Variants in TNNI3 observed in about 807,000 individuals in gnomAD.
TNNI3 encodes the protein troponin I, cardiac muscle.
A neutral mutation model predicts 31.5 loss-of-function variants in TNNI3; 23 were observed. That is an observed-to-expected ratio of 0.73 (90% CI 0.52 to 1.03). TNNI3 has a LOEUF of 1.03. Ranked by LOEUF, TNNI3 falls within the 50% of genes least tolerant of loss-of-function variation. The probability of loss-of-function intolerance (pLI) is 0.00; values close to 1 mark genes in which losing one functional copy is unlikely to be tolerated. For missense variants in TNNI3, 236 were observed against 282.9 expected (o/e 0.83, Z 1.19); for synonymous variants, 120 against 111.7 (o/e 1.07, Z -0.47).
chr19:55,157,233 C>A lies in TNNI3; in HGVS notation c.24+63G>T, dbSNP rs1462346563. ...GGGCTGCAGCCTCCCGCCCCAGACC[C>A]CTCACTGCAGCGCCCACCCTGGCCC... On this transcript the variant is annotated intron_variant, in intron 2 of 7. Coordinates refer to ENST00000344887, the MANE Select transcript of TNNI3 (RefSeq NM_000363.5). This position sits in a 1 kb window ranked among gnomAD's most constrained non-coding sequence, Gnocchi z 6.3. 2 of 1,606,074 alleles carry A rather than the reference C, an allele frequency of 1.2e-6. No homozygotes were observed. The highest frequency in any genetic ancestry group is 8.5e-7 in the Non-Finnish European group (1 of 1,177,040).
In TNNI3 at chr19:55,154,183, G is replaced by T; in HGVS notation, c.396C>A (p.Ile132=). The change falls in exon 7 of 8, where the codon ATC becomes ATA. Residue 132 remains isoleucine (I), a synonymous_variant. Transcript: ENST00000344887. ...GCTTAAACTTGCCTCGAAGGTCAAAGATCTTCTGAGTCAGATCTGCAATCT... is the reference window on the plus strand; with the variant it reads ...GCTTAAACTTGCCTCGAAGGTCAAATATCTTCTGAGTCAGATCTGCAATCT... ...ITEIADLTQK[I]FDLRGKFKRP... 6.2e-7 allele frequency: 1 copy of T among 1,612,660 alleles called. No homozygotes were observed. Among genetic ancestry groups the T allele is most frequent in the South Asian group, 1.1e-5 (1 of 91,070 alleles).
rs1568858631 is a variant in TNNI3 at position 55,154,952 on chromosome 19, TGGGGGCCTGGACTCCTGGGTCTGAGGGAG to T, written c.283-151_283-123del. On this transcript the variant is annotated intron_variant, in intron 5 of 7. Transcript: ENST00000344887. Reference sequence around the variant, plus strand: ...CTGGGTCTGAGGGAGGAGAAGGGGCTGGGGGCCTGGACTCCTGGGTCTGAGGGAGGAGTTGGGGGCCTGGACTCCTGGGT... The same window carrying T: ...CTGGGTCTGAGGGAGGAGAAGGGGCTGAGTTGGGGGCCTGGACTCCTGGGT... 98 of 700,596 alleles carry T rather than the reference TGGGGGCCTGGACTCCTGGGTCTGAGGGAG, an allele frequency of 1.4e-4. No individual in the cohort carries two copies. The African/African-American group carries it at 2.4e-3, about 17-fold the overall frequency. The allele number at this position is 700,596 out of a possible 1,614,324, so 43.4% of individuals were successfully genotyped here.
intron 6 of TNNI3, 118 bp from the exon 7 acceptor site, chr19:55,154,324 G>A: frequency 9.2e-7 from 1 of 1,084,408 alleles, no homozygotes; most frequent in South Asian, 1.4e-5. Context: ...GGCCTTACCA[G>A]TCTCTTCCCG....
rs776734838 is a variant in TNNI3, at chr19:55,157,143, G to T, written c.25-10C>A. ...GGCGAGGTTCCCTAGCCTGGGTTAG[G>T]AGGAGTGGGGACCCCATCACCACCA... is the stretch of plus-strand genomic sequence containing the variant. On this transcript the variant is annotated splice_polypyrimidine_tract_variant and intron_variant, in intron 2 of 7. Coordinates refer to ENST00000344887, the MANE Select transcript of TNNI3 (RefSeq NM_000363.5). This position sits in a 1 kb window ranked among gnomAD's most constrained non-coding sequence, Gnocchi z 6.3. The T allele has an allele frequency of 2.5e-6, 4 of 1,595,380 alleles. No individual in the cohort carries two copies. The highest frequency in any genetic ancestry group is 3.4e-6 in the Non-Finnish European group (4 of 1,172,918).
At chr19:55,154,298 C>T (rs771572354) in intron 6 of TNNI3, 92 bp from the exon 7 acceptor site, 75 of 1,368,998 alleles carry the variant, frequency 5.5e-5, no homozygotes, top group Non-Finnish European at 6.1e-5. Flanking sequence ...CTCCTTATCT[C>T]GTCTTCCAGT....
Position 55,156,966 on chromosome 19 carries a change from T to C in TNNI3, c.108+84A>G. The C allele has an allele frequency of 2.1e-6, 3 of 1,442,518 alleles. No individual in the cohort carries two copies. Among genetic ancestry groups the C allele is most frequent in the Non-Finnish European group, 2.8e-6 (3 of 1,060,912 alleles). The allele number at this position is 1,442,518 out of a possible 1,614,324, so 89.4% of individuals were successfully genotyped here. On this transcript the variant is annotated intron_variant, in intron 3 of 7. Coordinates refer to ENST00000344887, the MANE Select transcript of TNNI3 (RefSeq NM_000363.5). This position sits in a 1 kb window ranked among gnomAD's most constrained non-coding sequence, Gnocchi z 4.6. ...CCCCTCCGCGTAGTCCCCGCCCCCT[T>C]CGCAGCCCTGGCTCCTCCCCCCACT...
chr19:55,151,794 TCAGGGCCCTCCTCAGGGCAGGGG>T lies in TNNI3; in HGVS notation c.*17_*39del. 1.3e-6 allele frequency: 2 copies of T among 1,584,968 alleles called. No homozygotes were observed. Among genetic ancestry groups the T allele is most frequent in the Non-Finnish European group, 1.7e-6 (2 of 1,153,626 alleles). On this transcript the variant is annotated 3_prime_UTR_variant, in exon 8 of 8. Coordinates refer to ENST00000344887, the MANE Select transcript of TNNI3 (RefSeq NM_000363.5). ...TCAGCTCAGAGAGAAGCTTTATTCCTCAGGGCCCTCCTCAGGGCAGGGGCAGTAGGCAGGAAGGCTCAGCTCTC... is the reference window on the plus strand; with the variant it reads ...TCAGCTCAGAGAGAAGCTTTATTCCTCAGTAGGCAGGAAGGCTCAGCTCTC...
rs771288725 is a variant in TNNI3 at position 55,152,893 on chromosome 19, G to A, written c.550-976C>T. On this transcript the variant is annotated intron_variant, in intron 7 of 7. Coordinates refer to ENST00000344887, the MANE Select transcript of TNNI3 (RefSeq NM_000363.5). The surrounding 1 kb of genome is among the most constrained non-coding windows in gnomAD (Gnocchi z 4.0). ...CGGCTCACTGCAACCTCTGCCTCCC[G>A]GGTTCAAGCAATTCTCCTGCCTCAG... is the stretch of plus-strand genomic sequence containing the variant. Among the ~76,000 whole-genome samples the A allele has an allele frequency of 1.3e-5, 2 of 151,776 alleles. No individual in the cohort carries two copies. The highest frequency in any genetic ancestry group is 2.4e-5 in the African/African-American group (1 of 41,246).
chr19:55,156,596 T>A lies in TNNI3; in HGVS notation c.150+7A>T, dbSNP rs1182078295. The A allele has an allele frequency of 1.3e-6, 2 of 1,561,200 alleles. No homozygotes were observed. Among genetic ancestry groups the A allele is most frequent in the Non-Finnish European group, 1.7e-6 (2 of 1,151,418 alleles). ...GCCTGCTCTTTCCCAGTCCCGCCCGTCCTCACCTTCAGCTGCAATTTTCTC... is the reference window on the plus strand; with the variant it reads ...GCCTGCTCTTTCCCAGTCCCGCCCGACCTCACCTTCAGCTGCAATTTTCTC... On this transcript the variant is annotated splice_region_variant and intron_variant, in intron 4 of 7. Transcript: ENST00000344887. This position sits in a 1 kb window ranked among gnomAD's most constrained non-coding sequence, Gnocchi z 4.6.
rs778133452 is a variant in TNNI3 at position 55,157,101 on chromosome 19, G to T, written c.57C>A (p.Ile19=). Residue 19 remains isoleucine, a synonymous_variant, in exon 3 of 8, where the codon ATC becomes ATA. Transcript: ENST00000344887. The surrounding 1 kb of genome is among the most constrained non-coding windows in gnomAD (Gnocchi z 6.3). ...CGCGGTAGTTGGAGGAGCGGCGTCT[G>T]ATTGGGGCTGGTGCAGGGCGAGGTT... ...AREPRPAPAP[I]RRRSSNYRAY... is the part of the protein sequence containing the mutation. 6.2e-7 allele frequency: 1 copy of T among 1,603,054 alleles called. No homozygotes were observed. The highest frequency in any genetic ancestry group is 1.1e-5 in the South Asian group (1 of 88,438).
chr19:55,156,470 CT>C lies in TNNI3; in HGVS notation c.150+132del. On this transcript the variant is annotated intron_variant, in intron 4 of 7. Coordinates refer to ENST00000344887, the MANE Select transcript of TNNI3 (RefSeq NM_000363.5). This position sits in a 1 kb window ranked among gnomAD's most constrained non-coding sequence, Gnocchi z 4.6. ...AGGCCCCGTCCCACCCCGAGCAGTA[CT>C]CCCCGCTAAAGCCACGCCCCGAGCG... is the stretch of plus-strand genomic sequence containing the variant. 2 of 1,500,668 alleles carry C rather than the reference CT, an allele frequency of 1.3e-6. No individual in the cohort carries two copies. The highest frequency in any genetic ancestry group is 1.8e-6 in the Non-Finnish European group (2 of 1,108,562). The allele number at this position is 1,500,668 out of a possible 1,614,324, so 93.0% of individuals were successfully genotyped here.
In TNNI3 at chr19:55,152,156, TCTCC is replaced by T. The variant is rs2085698882; in HGVS notation, c.550-243_550-240del. On this transcript the variant is annotated intron_variant, in intron 7 of 7. Transcript: ENST00000344887. The surrounding 1 kb of genome is among the most constrained non-coding windows in gnomAD (Gnocchi z 4.0). ...TCCTGTCTTTCCCCAGCACTTCCTG[TCTCC>T]CTCATGTACTTTCTGTCTTTCCCCA... Among the ~76,000 whole-genome samples the T allele has an allele frequency of 6.8e-6, 1 of 147,924 alleles. No individual in the cohort carries two copies. The highest frequency in any genetic ancestry group is 2.1e-4 in the South Asian group (1 of 4,742).
rs796760216 is a variant in TNNI3, at chr19:55,157,089, G to A, written c.69C>T (p.Ser23=). The A allele has an allele frequency of 2.5e-6, 4 of 1,602,606 alleles. No individual in the cohort carries two copies. The highest frequency in any genetic ancestry group is 2.7e-5 in the African/African-American group (2 of 74,980). The change falls in exon 3 of 8, where the codon TCC becomes TCT. Residue 23 remains serine (S), a synonymous_variant. Transcript: ENST00000344887. The surrounding 1 kb of genome is among the most constrained non-coding windows in gnomAD (Gnocchi z 6.3). Reference sequence around the variant, plus strand: ...CCGTGGCATAAGCGCGGTAGTTGGAGGAGCGGCGTCTGATTGGGGCTGGTG... The same window carrying A: ...CCGTGGCATAAGCGCGGTAGTTGGAAGAGCGGCGTCTGATTGGGGCTGGTG... The part of the protein sequence containing the change: ...RPAPAPIRRR[S]SNYRAYATEP...
In TNNI3 at chr19:55,153,017, C is replaced by G. The variant is rs139022781; in HGVS notation, c.549+1013G>C. Among the ~76,000 whole-genome samples, 479 of 152,184 alleles carry G rather than the reference C, an allele frequency of 3.1e-3. 3 individuals carry two copies. The highest frequency in any genetic ancestry group is 0.011 in the African/African-American group (450 of 41,512). On this transcript the variant is annotated intron_variant, in intron 7 of 7. Transcript: ENST00000344887. ...GTTTCACTGTGTTGGCCAGGCTGGT[C>G]TCAAACTCCTGACCTCATGATCCGC...
Position 55,156,906 on chromosome 19 carries a change from C to A in TNNI3, c.108+144G>T. 1 of 1,028,548 alleles carries A rather than the reference C, an allele frequency of 9.7e-7. No homozygotes were observed. The highest frequency in any genetic ancestry group is 2.0e-5 in the Admixed American group (1 of 49,926). The allele number at this position is 1,028,548 out of a possible 1,614,324, so 63.7% of individuals were successfully genotyped here. A position where few individuals can be genotyped will look rare whatever the true frequency, so the allele number is the denominator to read the frequency against. On this transcript the variant is annotated intron_variant, in intron 3 of 7. Transcript: ENST00000344887. The surrounding 1 kb of genome is among the most constrained non-coding windows in gnomAD (Gnocchi z 4.6). ...CGCCCGCAGGCTGCTGTCACCAATC[C>A]GAGCATGACCCTCTGCAAAACTCCG...
At position 55,156,363 on chromosome 19, in the gene TNNI3, AC is replaced by A; in HGVS notation, c.151-32del. 1 of 1,596,034 alleles carries A rather than the reference AC, an allele frequency of 6.3e-7. No homozygotes were observed. Among genetic ancestry groups the A allele is most frequent in the Non-Finnish European group, 8.5e-7 (1 of 1,171,226 alleles). ...GAGGGGTGGGAGGGAAGCGCAGCCC[AC>A]CCGGGGCTTCAGGATAAAGACCAGG... is the stretch of plus-strand genomic sequence containing the variant. On this transcript the variant is annotated intron_variant, in intron 4 of 7. Coordinates refer to ENST00000344887, the MANE Select transcript of TNNI3 (RefSeq NM_000363.5). The surrounding 1 kb of genome is among the most constrained non-coding windows in gnomAD (Gnocchi z 4.6).
rs1037256004 is a variant in TNNI3 at position 55,152,290 on chromosome 19, C to T, written c.550-373G>A. On this transcript the variant is annotated intron_variant, in intron 7 of 7. Coordinates refer to ENST00000344887, the MANE Select transcript of TNNI3 (RefSeq NM_000363.5). This position sits in a 1 kb window ranked among gnomAD's most constrained non-coding sequence, Gnocchi z 4.0. ...CTCCACTTCCTGTCTGCCTTATGCC[C>T]TTCCTGTCTCCTTCCTTCTCTTCTT... Among the ~76,000 whole-genome samples the T allele has an allele frequency of 6.6e-6, 1 of 152,176 alleles. No homozygotes were observed. Among genetic ancestry groups the T allele is most frequent in the African/African-American group, 2.4e-5 (1 of 41,430 alleles).
chr19:55,154,631 TG>T, intron 6 of TNNI3, 109 bp downstream of exon 6: 1 of 917,448 alleles, frequency 1.1e-6, no homozygotes, highest in Non-Finnish European at 1.8e-6. Flanking sequence ...ACAGTTGTCC[TG>T]GGTCTCCTGG....
rs1483450988 is a variant in TNNI3, at chr19:55,156,111, T to C, written c.282+90A>G. On this transcript the variant is annotated intron_variant, in intron 5 of 7. Coordinates refer to ENST00000344887, the MANE Select transcript of TNNI3 (RefSeq NM_000363.5). This position sits in a 1 kb window ranked among gnomAD's most constrained non-coding sequence, Gnocchi z 4.6. ...ATATAATTGGGTAAGGACAGCCATA[T>C]TGGACGCCTGGGTCCCGAGCAGAAG... 10 of 1,600,886 alleles carry C rather than the reference T, an allele frequency of 6.2e-6. No individual in the cohort carries two copies. The highest frequency in any genetic ancestry group is 1.1e-5 in the South Asian group (1 of 90,396).
Sources: allele counts gnomAD v4.1 joint callset (sites outside exome capture counted in the v4.1 genomes callset), GRCh38; gene constraint gnomAD v4.1.1; non-coding constraint Gnocchi (gnomAD v3.1); transcripts MANE v1.5; gene names NCBI Gene and HGNC (gene_info 2026-07-23, HGNC 2026-07-21).